Variants in PCDH19 observed in about 807,000 individuals in gnomAD.
PCDH19 encodes protocadherin-19.
PCDH19 carries 6 observed loss-of-function variants against 46.2 expected under a neutral mutation model. The ratio of observed to expected loss-of-function variants is 0.13; its 90% CI spans 0.07 to 0.26. The LOEUF is 0.26. PCDH19 is among the 10% of genes least tolerant of loss of function. The probability of loss-of-function intolerance (pLI) is 1.00; values close to 1 mark genes in which losing one functional copy is unlikely to be tolerated. For missense variants in PCDH19, 740 were observed against 972.3 expected, an observed-to-expected ratio of 0.76 and a Z score of 3.18; for synonymous variants, 481 against 415.7, an observed-to-expected ratio of 1.16 and a Z score of -1.91.
intron 5 of PCDH19, among the ~76,000 whole-genome samples, chrX:100,331,458 C>T (rs1351495600): frequency 8.9e-6 from 1 of 111,735 alleles, no homozygotes; most frequent in Non-Finnish European, 1.9e-5. Flanking sequence ...AGAAGAAGAA[C>T]CTGTGTGTGA....
intron 3 of PCDH19, among the ~76,000 whole-genome samples, chrX:100,386,207 C>T (rs778556095): frequency 1.3e-3 from 140 of 111,057 alleles, no homozygotes; most frequent in African/African-American, 4.4e-3. Context: ...TGGGACCTAG[C>T]GAACAGCAGC....
intron 1 of PCDH19, 112 bp downstream of exon 1, chrX:100,406,339 C>A: frequency 1.7e-6 from 1 of 600,182 alleles, no homozygotes; most frequent in Non-Finnish European, 2.8e-6. Flanking sequence ...AGAAGCACTG[C>A]AAGTATGCTG....
chrX:100,352,700 CTT>C (rs1447169301), intron 3 of PCDH19, among the ~76,000 whole-genome samples: 4 of 111,637 alleles, frequency 3.6e-5, no homozygotes, highest in Non-Finnish European at 7.5e-5. Context: ...CTCTCTCTCT[CTT>C]GCTGCTCCGG....
At position 100,292,825 on chromosome X, in the gene PCDH19, A is replaced by T. The variant is rs1259674754; in HGVS notation, c.*3452T>A. On this transcript the variant is annotated 3_prime_UTR_variant, in exon 6 of 6. Coordinates refer to ENST00000373034, the MANE Select transcript of PCDH19 (RefSeq NM_001184880.2). Reference sequence around the variant, plus strand: ...TTTCAAAGTCAATAAGGGTCTTATTACCCGGGGTAAAGAGCCAAGTGGACC... The same window carrying T: ...TTTCAAAGTCAATAAGGGTCTTATTTCCCGGGGTAAAGAGCCAAGTGGACC... 8.9e-6 allele frequency: 1 copy of T among 112,057 alleles called. No individual in the cohort carries two copies. The highest frequency in any genetic ancestry group is 2.8e-4 in the East Asian group (1 of 3,545). 9.2% of individuals were successfully genotyped at this position (112,057 alleles called of 1,213,427 possible). A position where few individuals can be genotyped will look rare whatever the true frequency, so the allele number is the denominator to read the frequency against.
At chrX:100,342,606 A>T (rs1478245048) in intron 4 of PCDH19, among the ~76,000 whole-genome samples, 2 of 112,123 alleles carry the variant, frequency 1.8e-5, no homozygotes. Context: ...CTGGTAAAAA[A>T]TATAGCAGAC....
chrX:100,333,112 GGGAAGGAAGGAAGGAAGGAAGGAA>G (rs778212504), intron 5 of PCDH19, among the ~76,000 whole-genome samples: 6 of 34,916 alleles, frequency 1.7e-4, no homozygotes, highest in East Asian at 1.7e-3. Flanking sequence ...GAAGGAGGGA[GGGAAGGAAGGAAGGAAGGAAGGAA>G]GGAAGGAAGG....
rs866088826 is a variant in PCDH19 at position 100,333,151 on chromosome X, A to G, written c.2848+8752T>C. On this transcript the variant is annotated intron_variant, in intron 5 of 5. Coordinates refer to ENST00000373034, the MANE Select transcript of PCDH19 (RefSeq NM_001184880.2). ...GAAGGAAGGAAGGAAGGAAGGAAGGAAGGAAGGAAGGAAGGAAGGAAGGGA... is the reference window on the plus strand; with the variant it reads ...GAAGGAAGGAAGGAAGGAAGGAAGGGAGGAAGGAAGGAAGGAAGGAAGGGA... 4.9e-3 allele frequency among the ~76,000 whole-genome samples: 258 copies of G among 53,067 alleles called. 1 individual carries two copies. Among genetic ancestry groups the G allele is most frequent in the Non-Finnish European group, 8.3e-3 (204 of 24,650 alleles). The allele number at this position is 53,067 out of a possible 115,157, so 46.1% of individuals were successfully genotyped here.
Position 100,296,512 on chromosome X carries a change from A to G in PCDH19, c.3212T>C (p.Leu1071Pro). The G allele has an allele frequency of 8.3e-7, 1 of 1,210,872 alleles. No homozygotes were observed. Among genetic ancestry groups the G allele is most frequent in the Non-Finnish European group, 1.1e-6 (1 of 895,072 alleles). The change falls in exon 6 of 6, where the codon CTC (leucine) becomes CCC (proline). Residue 1071 changes from leucine (L) to proline (P), a missense_variant. Physicochemically the swap from Leu to Pro is moderately conservative, Grantham distance 98. Coordinates refer to ENST00000373034, the MANE Select transcript of PCDH19 (RefSeq NM_001184880.2). ...AISPVTSPLH[L>P]KSSLPTKPSV... The stretch of plus-strand genomic sequence containing the variant: ...AGGCTTGGTGGGCAGAGAGCTCTTG[A>G]GGTGGAGGGGGGAGGTGACAGGGCT...
At chrX:100,390,238 T>C (rs754358437) in intron 3 of PCDH19, among the ~76,000 whole-genome samples, 21 of 111,295 alleles carry the variant, frequency 1.9e-4, no homozygotes, top group African/African-American at 6.2e-4. Context: ...GATGAATGAG[T>C]GGATATTTTC....
chrX:100,294,133 T>C lies in PCDH19; in HGVS notation c.*2144A>G, dbSNP rs1924517835. 1 of 112,152 alleles carries C rather than the reference T, an allele frequency of 8.9e-6. No individual in the cohort carries two copies. Among genetic ancestry groups the C allele is most frequent in the African/African-American group, 3.3e-5 (1 of 30,769 alleles). 9.2% of individuals were successfully genotyped at this position (112,152 alleles called of 1,213,427 possible). A position where few individuals can be genotyped will look rare whatever the true frequency, so the allele number is the denominator to read the frequency against. On this transcript the variant is annotated 3_prime_UTR_variant, in exon 6 of 6. Transcript: ENST00000373034. ...TTAAAGGGGAAATTTTTAAAAAATT[T>C]TTAATGTGTTAATCAAATAGTCACT...
rs751256749 is a variant in PCDH19 at position 100,296,655 on chromosome X, G to A, written c.3069C>T (p.Ser1023=). The change falls in exon 6 of 6, where the codon AGC becomes AGT. Residue 1023 remains serine (S), a synonymous_variant. Transcript: ENST00000373034. ...TAGGCCTCTCCTCAGCCGGGTGGTC[G>A]CTGACATCTTTCCCAAAGGTTGCGA... The part of the protein sequence containing the change: ...RTFATFGKDV[S]DHPAEERPTL... The A allele has an allele frequency of 8.3e-6, 10 of 1,209,201 alleles. No individual in the cohort carries two copies. The East Asian group carries it at 1.2e-4, about 14-fold the overall frequency.
At chrX:100,405,543 C>G (rs1372451501) in intron 1 of PCDH19, among the ~76,000 whole-genome samples, 2 of 99,198 alleles carry the variant, frequency 2.0e-5, no homozygotes, top group African/African-American at 3.9e-5. Flanking sequence ...CCTCCCCCTT[C>G]TATCCCTCTC....
intron 3 of PCDH19, among the ~76,000 whole-genome samples, chrX:100,397,038 T>C (rs1928046297): frequency 8.9e-6 from 1 of 112,046 alleles, no homozygotes; most frequent in Non-Finnish European, 1.9e-5. Flanking sequence ...TTAGAGGTGA[T>C]GCTTTGTGTC....
intron 2 of PCDH19, 74 bp downstream of exon 2, chrX:100,403,450 A>AC (rs1201512151): frequency 1.9e-6 from 2 of 1,059,724 alleles, no homozygotes; most frequent in Non-Finnish European, 2.6e-6. Flanking sequence ...CCTTTTACTC[A>AC]CCCCCCGACC....
At chrX:100,374,851 A>C (rs1008511809) in intron 3 of PCDH19, among the ~76,000 whole-genome samples, 52 of 111,108 alleles carry the variant, frequency 4.7e-4, no homozygotes, top group African/African-American at 1.6e-3. Flanking sequence ...AGGCAGGAGA[A>C]TGGCATACAC....
intron 5 of PCDH19, among the ~76,000 whole-genome samples, chrX:100,300,282 A>T (rs1053444905): frequency 4.5e-5 from 5 of 112,304 alleles, no homozygotes; most frequent in Non-Finnish European, 9.4e-5. Context: ...AATAAAAATT[A>T]AAAAGACTAC....
chrX:100,348,467 CAG>C (rs1449498776), intron 4 of PCDH19, among the ~76,000 whole-genome samples: 1 of 111,894 alleles, frequency 8.9e-6, no homozygotes, highest in Non-Finnish European at 1.9e-5. Flanking sequence ...TCAAGGCCTT[CAG>C]AGTTTCCCAA....
At chrX:100,397,887 C>T (rs1048649655) in intron 3 of PCDH19, among the ~76,000 whole-genome samples, 3 of 111,719 alleles carry the variant, frequency 2.7e-5, no homozygotes, top group South Asian at 7.6e-4. Context: ...AAAATTTGGA[C>T]TATTTTTAGA....
At position 100,363,205 on chromosome X, in the gene PCDH19, G is replaced by A. The variant is rs57035751; in HGVS notation, c.2617-12501C>T. On this transcript the variant is annotated intron_variant, in intron 3 of 5. Transcript: ENST00000373034. ...TGTAATCCCAGCTACGCGGGAGGCT[G>A]AGGCAGGAGAATCGCTTGAACCCGG... 9.3e-3 allele frequency among the ~76,000 whole-genome samples: 1,021 copies of A among 109,839 alleles called. 14 individuals are homozygous for A. Among genetic ancestry groups the A allele is most frequent in the African/African-American group, 0.033 (977 of 30,060 alleles).
Sources: allele counts gnomAD v4.1 joint callset (sites outside exome capture counted in the v4.1 genomes callset), GRCh38; gene constraint gnomAD v4.1.1; transcripts MANE v1.5; gene names NCBI Gene and HGNC (gene_info 2026-07-23, HGNC 2026-07-21).